The following GRIN2A variants were observed in gnomAD, a reference collection of about 807,000 sequenced individuals.
GRIN2A encodes glutamate receptor ionotropic, NMDA 2A.
A neutral mutation model predicts 113.4 loss-of-function variants in GRIN2A; 22 were observed. That is an observed-to-expected ratio of 0.19 (90% CI 0.14 to 0.28). GRIN2A has a LOEUF of 0.28. Among genes scored for constraint, GRIN2A ranks in the 10% least tolerant of loss-of-function variants. The pLI, the probability that GRIN2A is intolerant of heterozygous loss-of-function variation, is 1.00. For missense variants in GRIN2A, 1,502 were observed against 1,887.0 expected (o/e 0.80, Z 3.78); for synonymous variants, 827 against 738.4 (o/e 1.12, Z -1.94).
intron 2 of GRIN2A, among the ~76,000 whole-genome samples, chr16:9,954,205 T>C (rs1325069750): frequency 6.6e-6 from 1 of 152,216 alleles, no homozygotes; most frequent in Non-Finnish European, 1.5e-5. Context: ...ATGCTTGCGA[T>C]ATACCTTCAA....
intron 2 of GRIN2A, among the ~76,000 whole-genome samples, chr16:10,043,391 C>T (rs2047199440): frequency 1.3e-5 from 2 of 152,322 alleles, no homozygotes; most frequent in South Asian, 4.1e-4. Flanking sequence ...CTCAGAAAGG[C>T]AGCCGGGATC....
intron 2 of GRIN2A, chr16:10,112,530 T>C (rs936404791): frequency 2.2e-5 from 18 of 809,876 alleles, no homozygotes; most frequent in Non-Finnish European, 3.5e-5. Context: ...TCCACAGTGA[T>C]GATGGGCTCC....
At chr16:9,994,294 G>A (rs1425593054) in intron 2 of GRIN2A, among the ~76,000 whole-genome samples, 15 of 152,236 alleles carry the variant, frequency 9.9e-5, no homozygotes, top group East Asian at 1.9e-4. Context: ...ATTTCAAGGG[G>A]TGACCTGGGT....
rs528258858 is a variant in GRIN2A at position 9,808,909 on chromosome 16, A to AC, written c.2169-10446dup. 2.2e-3 allele frequency among the ~76,000 whole-genome samples: 330 copies of AC among 149,782 alleles called. 1 individual carries two copies. The highest frequency in any genetic ancestry group is 6.2e-3 in the Admixed American group (92 of 14,956). ...CCATATGACTGATAGCCCTCATCCC[A>AC]CCCCCCCAAAAAAAGTCTAGTGAGA... On this transcript the variant is annotated intron_variant, in intron 10 of 12. Coordinates refer to ENST00000330684, the MANE Select transcript of GRIN2A (RefSeq NM_001134407.3).
chr16:10,167,901 A>G (rs865966259), intron 2 of GRIN2A, among the ~76,000 whole-genome samples: 6 of 152,356 alleles, frequency 3.9e-5, no homozygotes, highest in East Asian at 1.9e-4. Flanking sequence ...ATTTTCTGCC[A>G]TAAGCAGATG....
intron 3 of GRIN2A, among the ~76,000 whole-genome samples, chr16:9,914,749 T>C (rs2044208512): frequency 6.6e-6 from 1 of 151,544 alleles, no homozygotes; most frequent in African/African-American, 2.4e-5. Context: ...CACCTGGATA[T>C]GATAGCAGCA....
At chr16:10,041,001 C>G (rs1200946458) in intron 2 of GRIN2A, among the ~76,000 whole-genome samples, 1 of 152,264 alleles carries the variant, frequency 6.6e-6, no homozygotes. Context: ...ACATCAAAGC[C>G]CCCTGGCAAA....
rs555554403 is a variant in GRIN2A, at chr16:9,828,863, A to C, written c.2007+560T>G. Among the ~76,000 whole-genome samples the C allele has an allele frequency of 1.4e-3, 219 of 152,160 alleles. 2 individuals carry two copies. The highest frequency in any genetic ancestry group is 4.9e-3 in the African/African-American group (203 of 41,508). On this transcript the variant is annotated intron_variant, in intron 9 of 12. Coordinates refer to ENST00000330684, the MANE Select transcript of GRIN2A (RefSeq NM_001134407.3). ...AAAACAGAAAGAAAGAAAGAAAAAA[A>C]CTCTCTGCTCCTTTTGTGTGCCTTG...
chr16:9,888,367 A>G (rs1455758289), intron 4 of GRIN2A, among the ~76,000 whole-genome samples: 1 of 152,240 alleles, frequency 6.6e-6, no homozygotes, highest in Non-Finnish European at 1.5e-5. Context: ...ACAGATCACA[A>G]AAATATTCTC....
At chr16:9,831,169 T>A (rs2042485374) in intron 8 of GRIN2A, among the ~76,000 whole-genome samples, 1 of 152,200 alleles carries the variant, frequency 6.6e-6, no homozygotes, top group South Asian at 2.1e-4. Flanking sequence ...CTGGAGAGAA[T>A]GGAAGGGCTG....
intron 2 of GRIN2A, among the ~76,000 whole-genome samples, chr16:10,028,385 T>C (rs557830357): frequency 6.6e-6 from 1 of 152,318 alleles, no homozygotes; most frequent in African/African-American, 2.4e-5. Context: ...TGTGGCACTG[T>C]CGCTGGGAGG....
At chr16:9,840,868 G>C (rs2042664345) in intron 6 of GRIN2A, 68 bp from the exon 7 acceptor site, 1 of 1,594,826 alleles carries the variant, frequency 6.3e-7, no homozygotes, top group Non-Finnish European at 8.6e-7. Context: ...TACTTTTCCT[G>C]CTAACATTCC....
In GRIN2A at chr16:9,981,759, C is replaced by G. The variant is rs1056274600; in HGVS notation, c.415-43208G>C. ...TCGTATTCTTTTGACTTAGAATACACACAAGGTCTATATGATTAATATGGT... is the reference window on the plus strand; with the variant it reads ...TCGTATTCTTTTGACTTAGAATACAGACAAGGTCTATATGATTAATATGGT... On this transcript the variant is annotated intron_variant, in intron 2 of 12. Transcript: ENST00000330684. Among the ~76,000 whole-genome samples the G allele has an allele frequency of 2.0e-5, 3 of 152,190 alleles. No homozygotes were observed. The South Asian group carries it at 6.3e-4, about 32-fold the overall frequency.
chr16:9,758,743 T>G lies in GRIN2A; in HGVS notation c.*4406A>C, dbSNP rs539237813. 2 of 214,598 alleles carry G rather than the reference T, an allele frequency of 9.3e-6. No homozygotes were observed. The highest frequency in any genetic ancestry group is 1.9e-5 in the Non-Finnish European group (2 of 106,408). 13.3% of individuals were successfully genotyped at this position (214,598 alleles called of 1,614,324 possible). ...ACAATTAGATATGAACACAGTACAATGTATAGGGATTGAATGGGAAACAGT... is the reference window on the plus strand; with the variant it reads ...ACAATTAGATATGAACACAGTACAAGGTATAGGGATTGAATGGGAAACAGT... On this transcript the variant is annotated 3_prime_UTR_variant, in exon 13 of 13. Transcript: ENST00000330684.
At chr16:9,868,313 G>T (rs2043196344) in intron 4 of GRIN2A, among the ~76,000 whole-genome samples, 1 of 151,926 alleles carries the variant, frequency 6.6e-6, no homozygotes, top group South Asian at 2.1e-4. Flanking sequence ...TGTCTCCCAC[G>T]CTGGATGCAG....
intron 2 of GRIN2A, among the ~76,000 whole-genome samples, chr16:10,058,889 T>C (rs2047501515): frequency 6.6e-6 from 1 of 152,188 alleles, no homozygotes; most frequent in Non-Finnish European, 1.5e-5. Context: ...AGACAGTCAA[T>C]AAGCAGATAA....
At chr16:10,035,089 C>G (rs2047000590) in intron 2 of GRIN2A, among the ~76,000 whole-genome samples, 1 of 151,484 alleles carries the variant, frequency 6.6e-6, no homozygotes, top group Non-Finnish European at 1.5e-5. Context: ...GCAGTGGCAC[C>G]ATCACAACTC....
chr16:10,119,741 C>T (rs1361975333), intron 2 of GRIN2A, among the ~76,000 whole-genome samples: 1 of 152,268 alleles, frequency 6.6e-6, no homozygotes, highest in East Asian at 1.9e-4. Flanking sequence ...TCCCACCCTC[C>T]GCCCTCGATT....
chr16:9,795,424 A>AT (rs1555487749), intron 11 of GRIN2A, among the ~76,000 whole-genome samples: 1 of 152,204 alleles, frequency 6.6e-6, no homozygotes, highest in Non-Finnish European at 1.5e-5. Context: ...CGTGTTTAGC[A>AT]TATCATCAAG....
Sources: allele counts gnomAD v4.1 joint callset (sites outside exome capture counted in the v4.1 genomes callset), GRCh38; gene constraint gnomAD v4.1.1; transcripts MANE v1.5; gene names NCBI Gene and HGNC (gene_info 2026-07-23, HGNC 2026-07-21).